Variants in PLCXD3 observed in about 807,000 individuals in gnomAD.
PLCXD3 encodes the protein phosphatidylinositol specific phospholipase C X domain containing 3, also known as PI-PLC X domain-containing protein 3.
PLCXD3 carries 19 observed loss-of-function variants against 25.5 expected under a neutral mutation model. The observed-to-expected ratio is 0.75, with a 90% CI of 0.52 to 1.09. The LOEUF (loss-of-function observed/expected upper bound fraction) is 1.09. PLCXD3 is among the 50% of genes least tolerant of loss of function. The pLI, the probability that PLCXD3 is intolerant of heterozygous loss-of-function variation, is 0.00. For synonymous variants in PLCXD3, 174 were observed against 137.6 expected, an observed-to-expected ratio of 1.26 and a Z score of -1.85; for missense variants, 411 against 388.1, an observed-to-expected ratio of 1.06 and a Z score of -0.50.
intron 2 of PLCXD3, among the ~76,000 whole-genome samples, chr5:41,348,508 A>G (rs1744364031): frequency 6.6e-6 from 1 of 152,216 alleles, no homozygotes; most frequent in South Asian, 2.1e-4. Flanking sequence ...TAGTTAATTA[A>G]CAAGACAAGG....
chr5:41,365,859 T>C (rs545878111), intron 2 of PLCXD3, among the ~76,000 whole-genome samples: 40 of 152,214 alleles, frequency 2.6e-4, no homozygotes, highest in African/African-American at 9.4e-4. Flanking sequence ...GAACCCTTTT[T>C]GTAAAATAGA....
chr5:41,401,008 A>AT (rs1746168699), intron 1 of PLCXD3, among the ~76,000 whole-genome samples: 1 of 22,346 alleles, frequency 4.5e-5, no homozygotes, highest in Non-Finnish European at 1.1e-4. Context: ...AAAGCTAAAA[A>AT]AAAAATAAAA....
At chr5:41,361,239 C>G (rs1190082677) in intron 2 of PLCXD3, among the ~76,000 whole-genome samples, 1 of 152,160 alleles carries the variant, frequency 6.6e-6, no homozygotes, top group East Asian at 1.9e-4. Flanking sequence ...GTCCTAAAGG[C>G]TAGTCTCACT....
At chr5:41,322,507 CA>C (rs953777068) in intron 2 of PLCXD3, among the ~76,000 whole-genome samples, 3 of 152,130 alleles carry the variant, frequency 2.0e-5, no homozygotes, top group African/African-American at 7.2e-5. Context: ...GGAGGTTCTT[CA>C]AAAAACTGAA....
At position 41,373,783 on chromosome 5, in the gene PLCXD3, C is replaced by T. The variant is rs147992131; in HGVS notation, c.812+8043G>A. ...AATGTTAATTGGCTTTGGTGGGAGA[C>T]ACTGAGTCTAGAAATTATTAAGTCT... is the stretch of plus-strand genomic sequence containing the variant. On this transcript the variant is annotated intron_variant, in intron 2 of 2. Coordinates refer to ENST00000377801, the MANE Select transcript of PLCXD3 (RefSeq NM_001005473.3). 3.9e-3 allele frequency among the ~76,000 whole-genome samples: 593 copies of T among 152,170 alleles called. 1 individual carries two copies. Among genetic ancestry groups the T allele is most frequent in the Non-Finnish European group, 6.6e-3 (452 of 67,994 alleles).
chr5:41,502,294 A>C (rs988758271), intron 1 of PLCXD3, among the ~76,000 whole-genome samples: 1 of 152,132 alleles, frequency 6.6e-6, no homozygotes. Flanking sequence ...TGTTTGCATC[A>C]AGTTTTTAAA....
At chr5:41,466,884 A>G (rs1748028722) in intron 1 of PLCXD3, among the ~76,000 whole-genome samples, 1 of 152,116 alleles carries the variant, frequency 6.6e-6, no homozygotes, top group Non-Finnish European at 1.5e-5. Context: ...GAGTGACAGA[A>G]ATCTTCTCTT....
intron 1 of PLCXD3, among the ~76,000 whole-genome samples, chr5:41,414,046 G>A (rs1353937697): frequency 1.3e-5 from 2 of 151,940 alleles, no homozygotes; most frequent in Non-Finnish European, 2.9e-5. Context: ...ATACACAGTA[G>A]AAAGGTCTGG....
chr5:41,347,099 T>C (rs974455394), intron 2 of PLCXD3, among the ~76,000 whole-genome samples: 13 of 152,228 alleles, frequency 8.5e-5, no homozygotes, highest in African/African-American at 3.1e-4. Context: ...CCAAAATAGC[T>C]GTTCCATTTT....
At chr5:41,500,879 C>T (rs1056098727) in intron 1 of PLCXD3, among the ~76,000 whole-genome samples, 15 of 151,624 alleles carry the variant, frequency 9.9e-5, no homozygotes, top group Non-Finnish European at 1.9e-4. Flanking sequence ...ACTAAATAAC[C>T]TTATTAAAAC....
In PLCXD3 at chr5:41,446,382, G is replaced by T. The variant is rs539362825; in HGVS notation, c.104-63848C>A. Among the ~76,000 whole-genome samples, 3 of 152,004 alleles carry T rather than the reference G, an allele frequency of 2.0e-5. No homozygotes were observed. The East Asian group carries it at 5.8e-4, about 30-fold the overall frequency. On this transcript the variant is annotated intron_variant, in intron 1 of 2. Coordinates refer to ENST00000377801, the MANE Select transcript of PLCXD3 (RefSeq NM_001005473.3). ...CAAAGCCATTAACCAGTAATGGAAA[G>T]CATGGCTTCAATCCAGCTGGCTGTT...
chr5:41,355,823 G>T (rs1236440073), intron 2 of PLCXD3, among the ~76,000 whole-genome samples: 1 of 152,182 alleles, frequency 6.6e-6, no homozygotes, highest in East Asian at 1.9e-4. Flanking sequence ...GACAGATGAA[G>T]ATGATATTAG....
chr5:41,459,442 C>T (rs1208974088), intron 1 of PLCXD3, among the ~76,000 whole-genome samples: 2 of 151,728 alleles, frequency 1.3e-5, no homozygotes, highest in Non-Finnish European at 2.9e-5. Flanking sequence ...AAATATAATG[C>T]CACAATGAAT....
At position 41,313,500 on chromosome 5, in the gene PLCXD3, C is replaced by G. The variant is rs1356331013; in HGVS notation, c.*117G>C. 3 of 1,216,412 alleles carry G rather than the reference C, an allele frequency of 2.5e-6. No individual in the cohort carries two copies. Among genetic ancestry groups the G allele is most frequent in the South Asian group, 1.4e-5 (1 of 72,046 alleles). 75.4% of individuals were successfully genotyped at this position (1,216,412 alleles called of 1,614,324 possible). On this transcript the variant is annotated 3_prime_UTR_variant, in exon 3 of 3. Transcript: ENST00000377801. ...GTTTTTCCCCTTTTCCCACCCACTA[C>G]CAGCCCTATTCCCTTCAGAGACTCA...
chr5:41,432,295 G>A (rs970686761), intron 1 of PLCXD3, among the ~76,000 whole-genome samples: 7 of 152,038 alleles, frequency 4.6e-5, no homozygotes, highest in African/African-American at 2.4e-5. Context: ...TGTGCTAATC[G>A]AGCTTCTTTC....
intron 2 of PLCXD3, among the ~76,000 whole-genome samples, chr5:41,367,562 T>C (rs138982971): frequency 0.021 from 3,212 of 152,286 alleles, 49 homozygotes; most frequent in Middle Eastern, 0.031. Flanking sequence ...AAGGATAGAT[T>C]GCAAAACTTT....
chr5:41,476,254 T>C (rs1748281788), intron 1 of PLCXD3, among the ~76,000 whole-genome samples: 1 of 152,208 alleles, frequency 6.6e-6, no homozygotes, highest in Admixed American at 6.5e-5. Context: ...GCAGGCCTGA[T>C]TGCTATCCTT....
intron 2 of PLCXD3, among the ~76,000 whole-genome samples, chr5:41,314,367 G>A (rs1743227926): frequency 6.6e-6 from 1 of 152,190 alleles, no homozygotes; most frequent in African/African-American, 2.4e-5. Flanking sequence ...GAGGATTCAA[G>A]TGAACAAAAC....
chr5:41,386,197 C>T (rs1409293682), intron 1 of PLCXD3, among the ~76,000 whole-genome samples: 1 of 152,062 alleles, frequency 6.6e-6, no homozygotes, highest in Non-Finnish European at 1.5e-5. Context: ...ATGTTATATG[C>T]ATGTTTCTAT....
Sources: allele counts gnomAD v4.1 joint callset (sites outside exome capture counted in the v4.1 genomes callset), GRCh38; gene constraint gnomAD v4.1.1; transcripts MANE v1.5; gene names NCBI Gene and HGNC (gene_info 2026-07-23, HGNC 2026-07-21).